The following CUX1 variants were observed in gnomAD, a reference collection of about 807,000 sequenced individuals.
CUX1 encodes cut like homeobox 1, also known as protein CASP.
A neutral mutation model predicts 158.8 loss-of-function variants in CUX1; 31 were observed. That is an observed-to-expected ratio of 0.20 (90% CI 0.15 to 0.26). The LOEUF (loss-of-function observed/expected upper bound fraction) is 0.26, where lower values mean the gene tolerates loss of function less well. Ranked by LOEUF, CUX1 falls within the 10% of genes least tolerant of loss-of-function variation. CUX1 has a pLI of 1.00. For missense variants in CUX1, 1,589 were observed against 2,014.6 expected (o/e 0.79, Z 4.04); for synonymous variants, 879 against 862.1 (o/e 1.02, Z -0.34).
At chr7:102,270,573 A>G (rs184041599) in intron 14 of CUX1, among the ~76,000 whole-genome samples, 132 of 152,148 alleles carry the variant, frequency 8.7e-4, no homozygotes, top group East Asian at 6.8e-3. Flanking sequence ...TCTCTGCCTC[A>G]CCAGCAGCCA....
intron 9 of CUX1, among the ~76,000 whole-genome samples, chr7:102,160,523 A>G (rs781947652): frequency 6.6e-6 from 1 of 152,190 alleles, no homozygotes; most frequent in Non-Finnish European, 1.5e-5. Flanking sequence ...ACAAGGCTGT[A>G]GGGACAGGTG....
intron 8 of CUX1, among the ~76,000 whole-genome samples, chr7:102,155,975 C>T (rs782001949): frequency 2.0e-5 from 3 of 152,194 alleles, no homozygotes; most frequent in Non-Finnish European, 4.4e-5. Context: ...GGCCATTTGA[C>T]AGGCTTTTTC....
At chr7:102,006,327 G>C (rs1817373647) in intron 2 of CUX1, among the ~76,000 whole-genome samples, 1 of 152,086 alleles carries the variant, frequency 6.6e-6, no homozygotes, top group South Asian at 2.1e-4. Flanking sequence ...ACGCCTCAGT[G>C]CTCCCTCGAA....
rs199535463 is a variant in CUX1, at chr7:102,111,755, G to T, written c.588G>T (p.Lys196Asn). 6.2e-7 allele frequency: 1 copy of T among 1,614,020 alleles called. No individual in the cohort carries two copies. Among genetic ancestry groups the T allele is most frequent in the African/African-American group, 1.3e-5 (1 of 74,940 alleles). The change falls in exon 7 of 24, where the codon AAG becomes AAT. Residue 196 changes from lysine (K) to asparagine (N), a missense_variant. Lys to Asn is a moderately conservative substitution (Grantham distance 94). Coordinates refer to ENST00000292535, the MANE Select transcript of CUX1 (RefSeq NM_181552.4). ...TTSKLEEAEH[K>N]VQSLQTALEK... ...CAAAGCTGGAGGAAGCTGAGCATAA[G>T]GTTCAGAGCCTACAAACAGGTTTGA...
At chr7:102,049,609 G>A (rs1823245229) in intron 3 of CUX1, among the ~76,000 whole-genome samples, 1 of 152,094 alleles carries the variant, frequency 6.6e-6, no homozygotes, top group African/African-American at 2.4e-5. Flanking sequence ...AGAGGCCGAG[G>A]CAGGAGGATC....
chr7:102,096,464 T>C (rs1829202406), intron 4 of CUX1, among the ~76,000 whole-genome samples: 1 of 152,184 alleles, frequency 6.6e-6, no homozygotes, highest in South Asian at 2.1e-4. Flanking sequence ...CTGTAATCCT[T>C]TGGGAGGCTG....
intron 2 of CUX1, among the ~76,000 whole-genome samples, chr7:101,958,413 A>ATGGAACTTGGTTC: frequency 1.3e-5 from 2 of 150,888 alleles, no homozygotes; most frequent in South Asian, 4.2e-4. Flanking sequence ...TATTTAGGAG[A>ATGGAACTTGGTTC]TGGAACTTGG....
At chr7:102,091,565 C>T (rs1554482230) in intron 4 of CUX1, among the ~76,000 whole-genome samples, 3 of 152,110 alleles carry the variant, frequency 2.0e-5, no homozygotes, top group African/African-American at 7.2e-5. Flanking sequence ...GAACTGCTGG[C>T]CTCAAGTGAT....
intron 8 of CUX1, among the ~76,000 whole-genome samples, chr7:102,135,130 C>T (rs1160849572): frequency 1.3e-5 from 2 of 152,120 alleles, no homozygotes; most frequent in Admixed American, 6.6e-5. Context: ...TGACCCCCGA[C>T]ACAGTGAAAA....
intron 2 of CUX1, among the ~76,000 whole-genome samples, chr7:101,967,322 T>C (rs900346199): frequency 1.1e-4 from 16 of 152,148 alleles, no homozygotes; most frequent in Admixed American, 8.5e-4. Flanking sequence ...GCCAGAAATC[T>C]TTTTCCATTT....
chr7:101,856,206 A>G (rs28736732), intron 1 of CUX1, among the ~76,000 whole-genome samples: 183 of 146,376 alleles, frequency 1.3e-3, no homozygotes, highest in African/African-American at 4.4e-3. Flanking sequence ...AAAAAAAAAA[A>G]GGAAACAAGA....
intron 1 of CUX1, among the ~76,000 whole-genome samples, chr7:101,847,438 G>T (rs1315385442): frequency 6.6e-6 from 1 of 152,046 alleles, no homozygotes; most frequent in Non-Finnish European, 1.5e-5. Flanking sequence ...GTCTTGGACG[G>T]CAGACAGCAC....
chr7:101,925,601 T>C (rs1384988559), intron 2 of CUX1, among the ~76,000 whole-genome samples: 2 of 152,164 alleles, frequency 1.3e-5, no homozygotes, highest in Non-Finnish European at 2.9e-5. Flanking sequence ...GTGAGTTGTA[T>C]GGTATATAAA....
rs782095527 is a variant in CUX1 at position 102,123,997 on chromosome 7, G to C, written c.674+8724G>C. On this transcript the variant is annotated intron_variant, in intron 8 of 23. Transcript: ENST00000292535. ...ATCATATTCATCCAGCATCCTTTGA[G>C]AGGGTAGAGAAAATCATTATTCACA... Among the ~76,000 whole-genome samples, 15 of 152,144 alleles carry C rather than the reference G, an allele frequency of 9.9e-5. 1 individual carries two copies. Among genetic ancestry groups the C allele is most frequent in the Non-Finnish European group, 2.2e-4 (15 of 68,036 alleles).
chr7:102,281,400 C>T (rs1261088336), intron 20 of CUX1, among the ~76,000 whole-genome samples: 1 of 151,940 alleles, frequency 6.6e-6, no homozygotes, highest in Non-Finnish European at 1.5e-5. Context: ...CAGCAGCTCA[C>T]GCCTGTAATC....
chr7:102,101,105 C>T (rs1829721764), intron 5 of CUX1, among the ~76,000 whole-genome samples: 1 of 152,188 alleles, frequency 6.6e-6, no homozygotes, highest in South Asian at 2.1e-4. Context: ...GAGGGATTCG[C>T]CCCCATGACC....
At chr7:101,957,824 A>G (rs1384422314) in intron 2 of CUX1, among the ~76,000 whole-genome samples, 1 of 152,210 alleles carries the variant, frequency 6.6e-6, no homozygotes, top group Non-Finnish European at 1.5e-5. Flanking sequence ...GTCTTTTTGA[A>G]AGACTCTTCG....
Position 102,087,731 on chromosome 7 carries a change from A to G in CUX1, c.269-9633A>G, listed in dbSNP as rs755363823. Reference sequence around the variant, plus strand: ...ATTTTTACTGATTTTACTTCTACCTATACTACAACGCTATAATACATGGTT... The same window carrying G: ...ATTTTTACTGATTTTACTTCTACCTGTACTACAACGCTATAATACATGGTT... On this transcript the variant is annotated intron_variant, in intron 4 of 23. Transcript: ENST00000292535. 2.7e-4 allele frequency among the ~76,000 whole-genome samples: 41 copies of G among 152,160 alleles called. 1 individual carries two copies. Among genetic ancestry groups the G allele is most frequent in the Non-Finnish European group, 4.9e-4 (33 of 68,026 alleles).
At chr7:101,938,975 A>AGGTTG (rs1034652646) in intron 2 of CUX1, among the ~76,000 whole-genome samples, 3 of 148,046 alleles carry the variant, frequency 2.0e-5, no homozygotes, top group Non-Finnish European at 3.0e-5. Flanking sequence ...TGGGAGATGG[A>AGGTTG]GGTTGCAGTG....
Sources: gnomAD v4.1 joint callset for allele counts (sites outside exome capture counted in the v4.1 genomes callset) on GRCh38, gnomAD v4.1.1 for gene constraint, MANE v1.5 for transcripts, NCBI Gene and HGNC (gene_info 2026-07-23, HGNC 2026-07-21) for gene names.